The following ST18 variants were observed in gnomAD, a reference collection of about 807,000 sequenced individuals.
ST18 encodes ST18 C2H2C-type zinc finger transcription factor, also known as suppression of tumorigenicity 18 protein.
In ST18, 50 loss-of-function variants were observed where a neutral mutation model predicts 110.0. The ratio of observed to expected loss-of-function variants is 0.45; its 90% confidence interval spans 0.36 to 0.58. The LOEUF (loss-of-function observed/expected upper bound fraction) is 0.58, where lower values mean the gene tolerates loss of function less well. Ranked by LOEUF, ST18 falls within the 20% of genes least tolerant of loss-of-function variation. ST18 has a pLI of 0.00. For synonymous variants in ST18, 461 were observed against 452.4 expected (o/e 1.02, Z -0.24); for missense variants, 1,306 against 1,280.1 (o/e 1.02, Z -0.31).
intron 2 of ST18, among the ~76,000 whole-genome samples, chr8:52,237,083 T>A (rs2092782983): frequency 6.6e-6 from 1 of 152,166 alleles, no homozygotes; most frequent in Admixed American, 6.5e-5. Flanking sequence ...AGATCCTCCC[T>A]CTAGAGCTCC....
intron 8 of ST18, among the ~76,000 whole-genome samples, chr8:52,193,672 A>G (rs1199928574): frequency 1.3e-5 from 2 of 152,230 alleles, no homozygotes; most frequent in Non-Finnish European, 2.9e-5. Flanking sequence ...GGGAAAAGTT[A>G]CAGTCTTGTG....
chr8:52,155,740 T>C (rs536881044), intron 15 of ST18, among the ~76,000 whole-genome samples: 1 of 152,334 alleles, frequency 6.6e-6, no homozygotes, highest in South Asian at 2.1e-4. Flanking sequence ...TCTGCTCCTA[T>C]GATCTTCTAC....
chr8:52,263,669 TC>T (rs1376443795), intron 2 of ST18, among the ~76,000 whole-genome samples: 1 of 149,578 alleles, frequency 6.7e-6, no homozygotes, highest in Non-Finnish European at 1.5e-5. Flanking sequence ...AGTCTTGAAC[TC>T]CTGACCTTAG....
chr8:52,296,028 C>G (rs2095631400), intron 2 of ST18, among the ~76,000 whole-genome samples: 1 of 151,936 alleles, frequency 6.6e-6, no homozygotes, highest in Non-Finnish European at 1.5e-5. Context: ...ATAATTTCCC[C>G]AACTTAACAC....
At chr8:52,122,204 A>T (rs866315432) in intron 23 of ST18, among the ~76,000 whole-genome samples, 3 of 152,184 alleles carry the variant, frequency 2.0e-5, no homozygotes, top group Admixed American at 6.5e-5. Flanking sequence ...CCATTTATGT[A>T]AAAGCAATAG....
At chr8:52,288,700 T>TAAAA (rs548531236) in intron 2 of ST18, among the ~76,000 whole-genome samples, 1 of 107,072 alleles carries the variant, frequency 9.3e-6, no homozygotes, top group African/African-American at 3.4e-5. Flanking sequence ...TCTCAAAAAA[T>TAAAA]AAAAAAAAAA....
chr8:52,178,928 C>T (rs761034918), intron 9 of ST18, among the ~76,000 whole-genome samples: 16 of 152,014 alleles, frequency 1.1e-4, no homozygotes, highest in Admixed American at 3.3e-4. Flanking sequence ...GAGATTTGTG[C>T]TCACTCATAA....
chr8:52,119,006 G>A (rs1392858047), intron 23 of ST18, among the ~76,000 whole-genome samples: 6 of 152,184 alleles, frequency 3.9e-5, no homozygotes, highest in African/African-American at 1.4e-4. Context: ...GCTGCTGGCA[G>A]GTGAATTAGT....
chr8:52,284,922 C>A (rs763293509), intron 2 of ST18, among the ~76,000 whole-genome samples: 1 of 151,916 alleles, frequency 6.6e-6, no homozygotes, highest in African/African-American at 2.4e-5. Flanking sequence ...TATTTCCCTT[C>A]TATATTCTGT....
At chr8:52,121,168 T>G (rs1243487719) in intron 23 of ST18, among the ~76,000 whole-genome samples, 8 of 152,190 alleles carry the variant, frequency 5.3e-5, no homozygotes, top group Admixed American at 5.2e-4. Flanking sequence ...TGAGGGCCAA[T>G]GTTCCTGAAG....
chr8:52,277,213 C>G (rs1259513757), intron 2 of ST18, among the ~76,000 whole-genome samples: 6 of 152,200 alleles, frequency 3.9e-5, no homozygotes, highest in Non-Finnish European at 8.8e-5. Context: ...GAAACAGAGA[C>G]CAGCTAAAGA....
chr8:52,116,188 G>A, intron 25 of ST18, 87 bp downstream of exon 25: 3 of 1,501,332 alleles, frequency 2.0e-6, no homozygotes, highest in Non-Finnish European at 2.7e-6. Context: ...TCTCCTCAAA[G>A]CTCAGTCGTG....
chr8:52,275,305 T>C (rs1244064601), intron 2 of ST18, among the ~76,000 whole-genome samples: 1 of 152,216 alleles, frequency 6.6e-6, no homozygotes, highest in Non-Finnish European at 1.5e-5. Flanking sequence ...ACTATCTAGA[T>C]CATGATGTTG....
chr8:52,396,048 G>T (rs1227075980), intron 2 of ST18, among the ~76,000 whole-genome samples: 1 of 151,868 alleles, frequency 6.6e-6, no homozygotes, highest in African/African-American at 2.4e-5. Flanking sequence ...ATATATTTCA[G>T]GTTTACAACG....
chr8:52,205,859 C>T (rs139400593), intron 8 of ST18, among the ~76,000 whole-genome samples: 109 of 152,298 alleles, frequency 7.2e-4, no homozygotes, highest in African/African-American at 2.5e-3. Context: ...TGAGCCACTA[C>T]GCCCGGCCAG....
At chr8:52,370,473 A>G (rs931745102) in intron 2 of ST18, among the ~76,000 whole-genome samples, 1 of 151,832 alleles carries the variant, frequency 6.6e-6, no homozygotes, top group African/African-American at 2.4e-5. Context: ...TAGAGGGGGG[A>G]AGCTACAACA....
intron 3 of ST18, among the ~76,000 whole-genome samples, chr8:52,223,229 A>G (rs144401769): frequency 6.6e-6 from 1 of 152,344 alleles, no homozygotes; most frequent in East Asian, 1.9e-4. Context: ...TGAGTCTGGT[A>G]TGTTATTTTT....
intron 2 of ST18, among the ~76,000 whole-genome samples, chr8:52,332,792 A>G (rs1355207579): frequency 1.3e-5 from 2 of 152,132 alleles, no homozygotes; most frequent in African/African-American, 4.8e-5. Flanking sequence ...CAGAGGTTGC[A>G]GTGAGCCGAG....
intron 2 of ST18, among the ~76,000 whole-genome samples, chr8:52,283,752 T>C (rs995575715): frequency 2.6e-5 from 4 of 152,116 alleles, no homozygotes; most frequent in African/African-American, 9.7e-5. Flanking sequence ...GGCAGTAAAG[T>C]GAACTGTACG....
Sources: gnomAD v4.1 joint callset for allele counts (sites outside exome capture counted in the v4.1 genomes callset) on GRCh38, gnomAD v4.1.1 for gene constraint, MANE v1.5 for transcripts, NCBI Gene and HGNC (gene_info 2026-07-23, HGNC 2026-07-21) for gene names.